ZFAND6: variants seen among roughly 807,000 people sequenced by gnomAD.
The protein encoded by ZFAND6 is AN1-type zinc finger protein 6.
In ZFAND6, 12 loss-of-function variants were observed where a neutral mutation model predicts 24.5. The ratio of observed to expected loss-of-function variants is 0.49; its 90% confidence interval spans 0.31 to 0.79. The LOEUF is 0.79. Ranked by LOEUF, ZFAND6 falls within the 30% of genes least tolerant of loss-of-function variation. ZFAND6 has a pLI of 0.04. For synonymous variants in ZFAND6, 92 were observed against 81.5 expected (o/e 1.13, Z -0.69); for missense variants, 207 against 245.9 (o/e 0.84, Z 1.06).
At chr15:80,076,610 G>T (rs937772270) in intron 1 of ZFAND6, among the ~76,000 whole-genome samples, 1 of 152,120 alleles carries the variant, frequency 6.6e-6, no homozygotes, top group Admixed American at 6.5e-5. Context: ...TGGTCCCCAC[G>T]CTAAGTACTG....
chr15:80,134,243 G>C (rs1449420153), intron 6 of ZFAND6, among the ~76,000 whole-genome samples: 1 of 152,156 alleles, frequency 6.6e-6, no homozygotes, highest in East Asian at 1.9e-4. Flanking sequence ...GTCCACCTCA[G>C]CCTCCCAAAG....
chr15:80,070,751 A>G (rs777282153), intron 1 of ZFAND6, among the ~76,000 whole-genome samples: 2 of 151,800 alleles, frequency 1.3e-5, no homozygotes, highest in Non-Finnish European at 2.9e-5. Context: ...TTCCATAACT[A>G]TTTACTAATT....
At chr15:80,074,767 T>G (rs1484434220) in intron 1 of ZFAND6, among the ~76,000 whole-genome samples, 1 of 152,008 alleles carries the variant, frequency 6.6e-6, no homozygotes, top group Non-Finnish European at 1.5e-5. Context: ...CCACAAATTA[T>G]GTATACTTTT....
At chr15:80,124,277 C>T (rs913184461) in intron 5 of ZFAND6, among the ~76,000 whole-genome samples, 1 of 152,074 alleles carries the variant, frequency 6.6e-6, no homozygotes, top group Non-Finnish European at 1.5e-5. Context: ...ACTAAAAATA[C>T]AAAAAATTAG....
At chr15:80,122,850 G>A in intron 5 of ZFAND6, 50 bp downstream of exon 5, 1 of 1,456,974 alleles carries the variant, frequency 6.9e-7, no homozygotes, top group Non-Finnish European at 9.6e-7. Flanking sequence ...TTATAGGCCA[G>A]ACACTATCCT....
At chr15:80,132,310 A>G (rs1040227987) in intron 6 of ZFAND6, among the ~76,000 whole-genome samples, 2 of 151,360 alleles carry the variant, frequency 1.3e-5, no homozygotes, top group South Asian at 4.1e-4. Context: ...TGTGTAAAAC[A>G]TGTGTAGATA....
rs2040096703 is a variant in ZFAND6, at chr15:80,120,453, C to T, written c.109C>T (p.His37Tyr). The change falls in exon 3 of 7, where the codon CAT becomes TAT. Residue 37 changes from histidine (H) to tyrosine (Y), a missense_variant. His to Tyr is a moderately conservative substitution (Grantham distance 83). Transcript: ENST00000261749. Reference sequence around the variant, plus strand: ...CATGTGTTCAGTATGCTATAAAGAACATCTTCAAAGACAGAATAGTAGTAA... The same window carrying T: ...CATGTGTTCAGTATGCTATAAAGAATATCTTCAAAGACAGAATAGTAGTAA... ...NGMCSVCYKE[H>Y]LQRQNSSNGR... 6.3e-7 allele frequency: 1 copy of T among 1,593,414 alleles called. No homozygotes were observed. Among genetic ancestry groups the T allele is most frequent in the Non-Finnish European group, 8.6e-7 (1 of 1,167,216 alleles).
intron 2 of ZFAND6, among the ~76,000 whole-genome samples, chr15:80,119,783 T>C (rs2040065850): frequency 2.6e-5 from 4 of 152,194 alleles, no homozygotes; most frequent in Admixed American, 2.6e-4. Flanking sequence ...AATTGCTAAC[T>C]TGCTTTCCAA....
upstream of ZFAND6, chr15:80,059,599 C>T (rs1263817398): frequency 1.4e-4 from 21 of 152,304 alleles, no homozygotes; most frequent in Admixed American, 1.4e-3. Flanking sequence ...GCCCGCGCGT[C>T]AGCCGCGGGA....
rs1236948720 is a variant in ZFAND6, at chr15:80,089,784, T to C, written c.-180-8632T>C. ...GGACCTTGACTGCTGTCTGGATGCT[T>C]GAACTATGTTTTCCTTTTTATTTTT... On this transcript the variant is annotated intron_variant, in intron 1 of 6. Transcript: ENST00000261749. Among the ~76,000 whole-genome samples the C allele has an allele frequency of 3.3e-5, 5 of 152,276 alleles. No homozygotes were observed. The East Asian group carries it at 9.6e-4, about 29-fold the overall frequency.
intron 1 of ZFAND6, chr15:80,060,594 A>G (rs1026815688): frequency 6.6e-6 from 1 of 152,166 alleles, no homozygotes; most frequent in African/African-American, 2.4e-5. Context: ...GGGTTACCTA[A>G]AGATAATTTA....
intron 1 of ZFAND6, among the ~76,000 whole-genome samples, chr15:80,094,139 C>T (rs540397273): frequency 1.3e-5 from 2 of 152,316 alleles, no homozygotes; most frequent in Admixed American, 1.3e-4. Flanking sequence ...CAGATGCTTA[C>T]CAGGTTTTAT....
At chr15:80,133,448 G>C (rs1158335521) in intron 6 of ZFAND6, among the ~76,000 whole-genome samples, 1 of 152,110 alleles carries the variant, frequency 6.6e-6, no homozygotes, top group East Asian at 1.9e-4. Context: ...ACCCACCTCA[G>C]CCTCCCAAAG....
At chr15:80,098,372 A>G (rs2038853662) in intron 1 of ZFAND6, 44 bp from the exon 2 acceptor site, 1 of 152,194 alleles carries the variant, frequency 6.6e-6, no homozygotes, top group South Asian at 2.1e-4. Flanking sequence ...GTGGTACGTA[A>G]ATTTTATATG....
chr15:80,112,879 TAAG>T, intron 2 of ZFAND6: 1 of 455,846 alleles, frequency 2.2e-6, no homozygotes, highest in Non-Finnish European at 4.4e-6. Flanking sequence ...GGTCAGTTAA[TAAG>T]AAAAAATTAG....
chr15:80,080,044 G>A (rs1233276854), intron 1 of ZFAND6, among the ~76,000 whole-genome samples: 2 of 151,478 alleles, frequency 1.3e-5, no homozygotes, highest in African/African-American at 4.9e-5. Context: ...ACCCACCCAG[G>A]CTGGAGTGCA....
intron 2 of ZFAND6, among the ~76,000 whole-genome samples, chr15:80,103,029 T>TTCATCGGG (rs1382099082): frequency 6.6e-6 from 1 of 152,194 alleles, no homozygotes; most frequent in Non-Finnish European, 1.5e-5. Context: ...TTTAGATAGG[T>TTCATCGGG]TCATCGGGTC....
intron 1 of ZFAND6, among the ~76,000 whole-genome samples, chr15:80,068,525 C>T (rs1187049595): frequency 1.3e-5 from 2 of 152,134 alleles, no homozygotes; most frequent in Non-Finnish European, 2.9e-5. Context: ...GCGAGTGCCA[C>T]CACGCCTGGC....
At chr15:80,127,984 T>C (rs2040443016) in intron 5 of ZFAND6, among the ~76,000 whole-genome samples, 1 of 152,198 alleles carries the variant, frequency 6.6e-6, no homozygotes, top group African/African-American at 2.4e-5. Context: ...GGTATATCCG[T>C]ACAGTAGAAT....
Sources: allele counts gnomAD v4.1 joint callset (sites outside exome capture counted in the v4.1 genomes callset), GRCh38; gene constraint gnomAD v4.1.1; transcripts MANE v1.5; gene names NCBI Gene and HGNC (gene_info 2026-07-23, HGNC 2026-07-21).